The following DLG2 variants were observed in gnomAD, a reference collection of about 807,000 sequenced individuals.
DLG2 encodes the protein disks large homolog 2.
Under a neutral mutation model 132.5 loss-of-function variants are expected in DLG2, and 45 were observed. The observed-to-expected ratio is 0.34, with a 90% CI of 0.27 to 0.44. The LOEUF is 0.44. Among genes scored for constraint, DLG2 ranks in the 20% least tolerant of loss-of-function variants. The pLI is 1.00. For synonymous variants in DLG2, 424 were observed against 419.6 expected (o/e 1.01, Z -0.13); for missense variants, 1,045 against 1,196.9 (o/e 0.87, Z 1.87).
At position 83,874,446 on chromosome 11, in the gene DLG2, A is replaced by C. The variant is rs201862748; in HGVS notation, c.1539T>G (p.Thr513=). The C allele has an allele frequency of 1.2e-6, 2 of 1,601,048 alleles. No homozygotes were observed. Among genetic ancestry groups the C allele is most frequent in the Non-Finnish European group, 1.7e-6 (2 of 1,172,216 alleles). The change falls in exon 16 of 28, where the codon ACT becomes ACG. Residue 513 remains threonine (T), a synonymous_variant. Coordinates refer to ENST00000376104, the MANE Select transcript of DLG2 (RefSeq NM_001142699.3). ...HSTATRQPSM[T]LQRAVSLEGE... is the part of the protein sequence containing the mutation. ...CTTCCAGGGAGACGGCCCGTTGGAG[A>C]GTCATTGAAGGCTGACGAGTTGCGG...
At position 83,826,426 on chromosome 11, in the gene DLG2, C is replaced by T. The variant is rs185662629; in HGVS notation, c.1722+7188G>A. The stretch of plus-strand genomic sequence containing the variant: ...TTCTGAGCTGTGCAGGAAGAAAGAT[C>T]CAGTAAGGTAGGGAGAAGTCTAAAT... On this transcript the variant is annotated intron_variant, in intron 17 of 27. Transcript: ENST00000376104. 2.6e-4 allele frequency among the ~76,000 whole-genome samples: 40 copies of T among 152,188 alleles called. 1 individual carries two copies. The highest frequency in any genetic ancestry group is 8.9e-4 in the African/African-American group (37 of 41,502).
intron 6 of DLG2, among the ~76,000 whole-genome samples, chr11:84,678,353 A>C (rs2099720166): frequency 6.6e-6 from 1 of 152,076 alleles, no homozygotes; most frequent in Non-Finnish European, 1.5e-5. Context: ...AGTCTAATAC[A>C]CCCTTGAGTT....
intron 9 of DLG2, among the ~76,000 whole-genome samples, chr11:84,138,918 C>A (rs1595966209): frequency 7.4e-6 from 1 of 134,806 alleles, no homozygotes. Flanking sequence ...CACTGCATCC[C>A]AAACTGCATG....
chr11:84,663,146 T>C (rs190274872), intron 6 of DLG2, among the ~76,000 whole-genome samples: 1 of 152,214 alleles, frequency 6.6e-6, no homozygotes, highest in Admixed American at 6.5e-5. Context: ...ATATTAACTA[T>C]TCAACTTATT....
At chr11:84,635,844 C>A (rs2099639682) in intron 6 of DLG2, among the ~76,000 whole-genome samples, 1 of 152,030 alleles carries the variant, frequency 6.6e-6, no homozygotes. Flanking sequence ...CCTCTAACAT[C>A]TGTGCTCTTA....
At chr11:85,193,500 G>A (rs1428925629) in intron 4 of DLG2, among the ~76,000 whole-genome samples, 3 of 152,166 alleles carry the variant, frequency 2.0e-5, no homozygotes, top group Non-Finnish European at 2.9e-5. Flanking sequence ...CAAAGTGGCT[G>A]CACTATTGTA....
Position 85,503,692 on chromosome 11 carries a change from G to T in DLG2, c.40+94965C>A, listed in dbSNP as rs145265745. ...CATGCCTGTAATCCCAACACCTTGG[G>T]AGCCTAAGGTGGGAGGACAGATTGA... On this transcript the variant is annotated intron_variant, in intron 3 of 27. Coordinates refer to ENST00000376104, the MANE Select transcript of DLG2 (RefSeq NM_001142699.3). Among the ~76,000 whole-genome samples the T allele has an allele frequency of 5.8e-3, 884 of 152,194 alleles. 2 individuals carry two copies. The highest frequency in any genetic ancestry group is 0.011 in the Non-Finnish European group (725 of 67,990).
rs12419757 is a variant in DLG2 at position 85,093,109 on chromosome 11, T to C, written c.357+18552A>G. ...TGAGTTGTCACCCCTCGCCCCCTCA[T>C]TGTTCAAGGGTCAACTGCAACGTGT... On this transcript the variant is annotated intron_variant, in intron 6 of 27. Coordinates refer to ENST00000376104, the MANE Select transcript of DLG2 (RefSeq NM_001142699.3). Among the ~76,000 whole-genome samples, 1,346 of 152,316 alleles carry C rather than the reference T, an allele frequency of 8.8e-3. 52 individuals are homozygous for C. Among genetic ancestry groups the C allele is most frequent in the Admixed American group, 0.065 (990 of 15,304 alleles).
chr11:84,537,221 C>A (rs537305601), intron 6 of DLG2, among the ~76,000 whole-genome samples: 3 of 152,294 alleles, frequency 2.0e-5, no homozygotes, highest in Non-Finnish European at 4.4e-5. Context: ...ATTCTCCTGC[C>A]TCAGCCTCCC....
Position 85,070,054 on chromosome 11 carries a change from C to CA in DLG2, c.357+41606dup, listed in dbSNP as rs550394520. 4.0e-5 allele frequency among the ~76,000 whole-genome samples: 6 copies of CA among 151,714 alleles called. No individual in the cohort carries two copies. The East Asian group carries it at 9.8e-4, about 25-fold the overall frequency. ...CATTCTCAGCAAACTATCGCAAGGA[C>CA]AAAAAACCAAACACCGCATGTTCTC... is the stretch of plus-strand genomic sequence containing the variant. On this transcript the variant is annotated intron_variant, in intron 6 of 27. Coordinates refer to ENST00000376104, the MANE Select transcript of DLG2 (RefSeq NM_001142699.3).
At chr11:84,061,851 CAAAAAAA>C (rs58817248) in intron 10 of DLG2, among the ~76,000 whole-genome samples, 4 of 136,002 alleles carry the variant, frequency 2.9e-5, no homozygotes, top group Non-Finnish European at 4.8e-5. Flanking sequence ...CTCTGATTGA[CAAAAAAA>C]AAAAAAAAAA....
chr11:83,690,688 G>A (rs11233717), intron 18 of DLG2, among the ~76,000 whole-genome samples: 1 of 137,920 alleles, frequency 7.3e-6, no homozygotes, highest in African/African-American at 2.5e-5. Context: ...GGGTGGGGGT[G>A]GGGGGGGTGT....
intron 6 of DLG2, among the ~76,000 whole-genome samples, chr11:84,871,621 A>G (rs1257967118): frequency 6.6e-6 from 1 of 152,206 alleles, no homozygotes; most frequent in African/African-American, 2.4e-5. Context: ...CTGAAAAGAA[A>G]TATAATTGGG....
intron 7 of DLG2, among the ~76,000 whole-genome samples, chr11:84,291,242 A>G (rs1389831785): frequency 6.6e-6 from 1 of 152,136 alleles, no homozygotes. Context: ...TATAAAAGAA[A>G]TAAATCCAAT....
chr11:84,849,634 T>C (rs1466223063), intron 6 of DLG2, among the ~76,000 whole-genome samples: 2 of 152,158 alleles, frequency 1.3e-5, no homozygotes. Context: ...TCTTACCCTC[T>C]AGATGTTAGT....
At position 84,468,610 on chromosome 11, in the gene DLG2, C is replaced by A. The variant is rs1293490410; in HGVS notation, c.519+65960G>T. On this transcript the variant is annotated intron_variant, in intron 7 of 27. Transcript: ENST00000376104. ...TGAGATGAGTGCCTTTTAACACTTT[C>A]AATTTTGTCCATAACTGGGTCCTTA... Among the ~76,000 whole-genome samples the A allele has an allele frequency of 2.0e-5, 3 of 151,536 alleles. No homozygotes were observed. The East Asian group carries it at 5.8e-4, about 30-fold the overall frequency.
At chr11:83,691,808 GT>G (rs1177478186) in intron 18 of DLG2, among the ~76,000 whole-genome samples, 2 of 151,182 alleles carry the variant, frequency 1.3e-5, no homozygotes, top group African/African-American at 2.5e-5. Context: ...AAAAGTGCAA[GT>G]TACAATAATT....
At chr11:84,071,440 C>T (rs901334377) in intron 10 of DLG2, among the ~76,000 whole-genome samples, 2 of 151,986 alleles carry the variant, frequency 1.3e-5, no homozygotes, top group Non-Finnish European at 2.9e-5. Context: ...GGGTCTTGCT[C>T]TGTGGCCCAG....
At chr11:84,752,646 C>T (rs138009091) in intron 6 of DLG2, among the ~76,000 whole-genome samples, 10,257 of 145,534 alleles carry the variant, frequency 0.07, 460 homozygotes, top group Non-Finnish European at 0.11. Flanking sequence ...TATACATGTG[C>T]CATGCTGGTG....
Sources: gnomAD v4.1 joint callset for allele counts (sites outside exome capture counted in the v4.1 genomes callset) on GRCh38, gnomAD v4.1.1 for gene constraint, MANE v1.5 for transcripts, NCBI Gene and HGNC (gene_info 2026-07-23, HGNC 2026-07-21) for gene names.